The following DGKB variants were observed in gnomAD, a reference collection of about 807,000 sequenced individuals.
DGKB encodes the protein diacylglycerol kinase beta, also known as 90 kDa diacylglycerol kinase.
A neutral mutation model predicts 114.3 loss-of-function variants in DGKB; 67 were observed. That is an observed-to-expected ratio of 0.59 (90% CI 0.48 to 0.72). The LOEUF is 0.72. Ranked by LOEUF, DGKB falls within the 30% of genes least tolerant of loss-of-function variation. The probability of loss-of-function intolerance (pLI) is 0.00; values close to 1 mark genes in which losing one functional copy is unlikely to be tolerated. For missense variants in DGKB, 907 were observed against 975.2 expected, an observed-to-expected ratio of 0.93 and a Z score of 0.93; for synonymous variants, 398 against 323.1, an observed-to-expected ratio of 1.23 and a Z score of -2.49.
chr7:14,734,092 T>A (rs1052826623), intron 5 of DGKB, among the ~76,000 whole-genome samples: 3 of 151,898 alleles, frequency 2.0e-5, no homozygotes, highest in East Asian at 1.9e-4. Context: ...TGGAGTGCAG[T>A]GATGCGATCT....
At position 14,469,644 on chromosome 7, in the gene DGKB, C is replaced by G. The variant is rs10264964; in HGVS notation, c.1835+8517G>C. Among the ~76,000 whole-genome samples the G allele has an allele frequency of 1.1e-3, 162 of 152,004 alleles. 1 individual carries two copies. Among genetic ancestry groups the G allele is most frequent in the African/African-American group, 3.8e-3 (156 of 41,494 alleles). On this transcript the variant is annotated intron_variant, in intron 21 of 25. Transcript: ENST00000402815. ...AGGAAGCTTCAGGTGAATTGAAACCCCCTGCATGAGAACACACACAGTCCT... is the reference window on the plus strand; with the variant it reads ...AGGAAGCTTCAGGTGAATTGAAACCGCCTGCATGAGAACACACACAGTCCT...
chr7:14,693,042 G>C (rs771147869), intron 9 of DGKB, among the ~76,000 whole-genome samples: 1 of 152,136 alleles, frequency 6.6e-6, no homozygotes, highest in Admixed American at 6.5e-5. Flanking sequence ...CTTGAGAAAT[G>C]ACTTTTAAAA....
chr7:14,681,920 T>C (rs1820903822), intron 12 of DGKB, among the ~76,000 whole-genome samples: 1 of 152,062 alleles, frequency 6.6e-6, no homozygotes, highest in Non-Finnish European at 1.5e-5. Flanking sequence ...CCCCAATGCA[T>C]GATTTAACTG....
At chr7:14,224,691 C>A (rs56836294) in intron 23 of DGKB, among the ~76,000 whole-genome samples, 7 of 151,760 alleles carry the variant, frequency 4.6e-5, no homozygotes, top group African/African-American at 1.7e-4. Flanking sequence ...TTCTAGTCCA[C>A]CACCACCACC....
intron 21 of DGKB, among the ~76,000 whole-genome samples, chr7:14,384,069 G>A (rs962748621): frequency 3.3e-5 from 5 of 152,162 alleles, no homozygotes; most frequent in Admixed American, 3.3e-4. Context: ...AACCCACTTA[G>A]TCATTCCTAC....
At chr7:14,931,431 A>C (rs1785015021) in intron 1 of DGKB, among the ~76,000 whole-genome samples, 1 of 152,116 alleles carries the variant, frequency 6.6e-6, no homozygotes, top group Admixed American at 6.6e-5. Flanking sequence ...TTTTAAAAGC[A>C]TCTATGTATC....
intron 23 of DGKB, among the ~76,000 whole-genome samples, chr7:14,295,713 A>G (rs1802424862): frequency 6.6e-6 from 1 of 152,046 alleles, no homozygotes; most frequent in Non-Finnish European, 1.5e-5. Context: ...TTAAAAAATT[A>G]TTATTATTAT....
chr7:14,245,072 G>A (rs1794274079), intron 23 of DGKB, among the ~76,000 whole-genome samples: 1 of 152,032 alleles, frequency 6.6e-6, no homozygotes, highest in African/African-American at 2.4e-5. Context: ...GGAAAATTGA[G>A]ATTCATGAAG....
At chr7:14,748,252 T>C (rs887757258) in intron 4 of DGKB, among the ~76,000 whole-genome samples, 17 of 152,116 alleles carry the variant, frequency 1.1e-4, no homozygotes, top group Non-Finnish European at 1.9e-4. Flanking sequence ...ATGAAAGGAA[T>C]AAGAACAACA....
intron 1 of DGKB, among the ~76,000 whole-genome samples, chr7:14,846,322 C>A (rs139421611): frequency 1.3e-5 from 2 of 152,106 alleles, no homozygotes; most frequent in African/African-American, 4.8e-5. Flanking sequence ...TAGTTCTAAC[C>A]CTCATCACGT....
At chr7:14,328,713 AT>A in intron 23 of DGKB, among the ~76,000 whole-genome samples, 1 of 152,062 alleles carries the variant, frequency 6.6e-6, no homozygotes, top group African/African-American at 2.4e-5. Flanking sequence ...ACAGTGCAGC[AT>A]TCAGCAGGTA....
intron 21 of DGKB, among the ~76,000 whole-genome samples, chr7:14,443,180 G>C (rs1398957056): frequency 6.6e-6 from 1 of 151,854 alleles, no homozygotes; most frequent in Admixed American, 6.6e-5. Context: ...TGCATTACTT[G>C]AGATTTGCTT....
Position 14,919,095 on chromosome 7 carries a change from A to ACAAACAC in DGKB, c.-188+55600_-188+55601insGTGTTTG, listed in dbSNP as rs1554345122. Among the ~76,000 whole-genome samples the ACAAACAC allele has an allele frequency of 2.1e-3, 242 of 114,956 alleles. 3 individuals carry two copies. The East Asian group carries it at 0.031, about 15-fold the overall frequency. The allele number at this position is 114,956 out of a possible 152,430, so 75.4% of individuals were successfully genotyped here. A position where few individuals can be genotyped will look rare whatever the true frequency, so the allele number is the denominator to read the frequency against. On this transcript the variant is annotated intron_variant, in intron 1 of 4. Transcript: ENST00000437998. ...ACACACACACACACACACACACACA[A>ACAAACAC]ACACACACACACACACACACACACA... is the stretch of plus-strand genomic sequence containing the variant.
chr7:14,689,208 T>TTTTTTTTTG (rs1554599156), intron 9 of DGKB, among the ~76,000 whole-genome samples: 1 of 109,774 alleles, frequency 9.1e-6, no homozygotes, highest in African/African-American at 2.8e-5. Context: ...TATTTTTTTT[T>TTTTTTTTTG]TTTTTTTTTT....
intron 20 of DGKB, among the ~76,000 whole-genome samples, chr7:14,511,790 G>T (rs1251960794): frequency 6.6e-6 from 1 of 152,054 alleles, no homozygotes; most frequent in South Asian, 2.1e-4. Flanking sequence ...TAGAGGCCAC[G>T]GTAGGGTTAT....
rs1357465709 is a variant in DGKB at position 14,653,583 on chromosome 7, C to T, written c.1134+19346G>A. Among the ~76,000 whole-genome samples the T allele has an allele frequency of 2.6e-5, 4 of 151,852 alleles. 1 individual carries two copies. The South Asian group carries it at 6.2e-4, about 24-fold the overall frequency. ...TGACGAGTTAGTGGGTTCAGCGCAC[C>T]AGCATGGCACATGTATGCATATGTA... On this transcript the variant is annotated intron_variant, in intron 13 of 25. Coordinates refer to ENST00000402815, the MANE Select transcript of DGKB (RefSeq NM_001350709.2).
At chr7:14,157,517 G>A (rs1783196823) in intron 25 of DGKB, among the ~76,000 whole-genome samples, 1 of 152,052 alleles carries the variant, frequency 6.6e-6, no homozygotes, top group Admixed American at 6.6e-5. Context: ...ATGGAGTTGG[G>A]AGGTTTACTT....
intron 23 of DGKB, among the ~76,000 whole-genome samples, chr7:14,243,798 C>T (rs560095826): frequency 5.0e-4 from 76 of 152,130 alleles, no homozygotes; most frequent in Non-Finnish European, 1.0e-3. Context: ...TCAGATCTTG[C>T]TTCAAAATGA....
intron 1 of DGKB, among the ~76,000 whole-genome samples, chr7:14,969,141 T>C (rs1030778053): frequency 6.6e-6 from 1 of 152,218 alleles, no homozygotes; most frequent in African/African-American, 2.4e-5. Context: ...AGAATCTTGA[T>C]ATTACCGTCT....
Sources: allele counts gnomAD v4.1 joint callset (sites outside exome capture counted in the v4.1 genomes callset), GRCh38; gene constraint gnomAD v4.1.1; transcripts MANE v1.5; gene names NCBI Gene and HGNC (gene_info 2026-07-23, HGNC 2026-07-21).